The following TYW1 variants were observed in gnomAD, a reference collection of about 807,000 sequenced individuals.
TYW1 encodes the protein S-adenosyl-L-methionine-dependent tRNA 4-demethylwyosine synthase TYW1.
A neutral mutation model predicts 96.2 loss-of-function variants in TYW1; 46 were observed. The observed-to-expected ratio is 0.48, with a 90% CI of 0.38 to 0.61. TYW1 has a LOEUF of 0.61. TYW1 is among the 20% of genes least tolerant of loss of function. TYW1 has a pLI of 0.00. For missense variants in TYW1, 684 were observed against 909.6 expected, an observed-to-expected ratio of 0.75 and a Z score of 3.19; for synonymous variants, 274 against 323.0, an observed-to-expected ratio of 0.85 and a Z score of 1.63.
rs558487723 is a variant in TYW1, at chr7:67,034,851, G to A, written c.984+9829G>A. Among the ~76,000 whole-genome samples the A allele has an allele frequency of 4.1e-4, 63 of 152,220 alleles. 2 individuals are homozygous for A. The South Asian group carries it at 9.7e-3, about 23-fold the overall frequency. On this transcript the variant is annotated intron_variant, in intron 7 of 15. Transcript: ENST00000359626. Reference sequence around the variant, plus strand: ...AATAAATTCCTAAAATTGAAATTCCGGCGTCAAAGGGAGTTTGTAGTTTTG... The same window carrying A: ...AATAAATTCCTAAAATTGAAATTCCAGCGTCAAAGGGAGTTTGTAGTTTTG...
chr7:67,046,127 C>T (rs910665648), intron 7 of TYW1, among the ~76,000 whole-genome samples: 2 of 152,156 alleles, frequency 1.3e-5, no homozygotes, highest in Non-Finnish European at 2.9e-5. Flanking sequence ...CTGATTGGAT[C>T]TTGCAACGAA....
intron 13 of TYW1, among the ~76,000 whole-genome samples, chr7:67,134,425 T>TA (rs1798181303): frequency 6.6e-6 from 1 of 151,516 alleles, no homozygotes; most frequent in South Asian, 2.1e-4. Context: ...CGCCTGTAAT[T>TA]CAGCTACTCA....
intron 8 of TYW1, among the ~76,000 whole-genome samples, chr7:67,054,452 T>G (rs1405538253): frequency 6.6e-6 from 1 of 152,222 alleles, no homozygotes; most frequent in Non-Finnish European, 1.5e-5. Context: ...ATATTTGGTA[T>G]CAGAGATGAG....
chr7:67,135,302 G>GTTTTTTTTTTT lies in TYW1; in HGVS notation c.1698+17694_1698+17704dup, dbSNP rs869257148. On this transcript the variant is annotated intron_variant, in intron 13 of 15. Coordinates refer to ENST00000359626, the MANE Select transcript of TYW1 (RefSeq NM_018264.4). ...TCTTTTTGAATATGATGTTAAAACA[G>GTTTTTTTTTTT]TTTTTTTTTTTTTTTTTTTTGAGAC... Among the ~76,000 whole-genome samples, 40 of 111,824 alleles carry GTTTTTTTTTTT rather than the reference G, an allele frequency of 3.6e-4. 2 individuals are homozygous for GTTTTTTTTTTT. Among genetic ancestry groups the GTTTTTTTTTTT allele is most frequent in the African/African-American group, 1.4e-3 (36 of 26,338 alleles). The allele number at this position is 111,824 out of a possible 152,430, so 73.4% of individuals were successfully genotyped here.
chr7:67,210,870 A>G (rs746205940), intron 15 of TYW1, among the ~76,000 whole-genome samples: 18 of 148,268 alleles, frequency 1.2e-4, no homozygotes, highest in Admixed American at 4.0e-4. Flanking sequence ...TCTATCATCT[A>G]TCTATCCATC....
At chr7:67,079,729 T>A (rs935134649) in intron 10 of TYW1, among the ~76,000 whole-genome samples, 1 of 152,162 alleles carries the variant, frequency 6.6e-6, no homozygotes, top group African/African-American at 2.4e-5. Context: ...TAGTTGTTTA[T>A]TATTATAAAC....
chr7:67,202,207 T>C (rs1040634729), intron 15 of TYW1, among the ~76,000 whole-genome samples: 5 of 152,200 alleles, frequency 3.3e-5, no homozygotes, highest in African/African-American at 1.2e-4. Context: ...TCTGTATTCT[T>C]ATACTAGTGT....
At chr7:67,238,012 T>C (rs893438227) in intron 15 of TYW1, among the ~76,000 whole-genome samples, 2 of 152,078 alleles carry the variant, frequency 1.3e-5, no homozygotes, top group African/African-American at 2.4e-5. Context: ...CATGGTAACA[T>C]GGAAACATTT....
chr7:67,170,274 C>T (rs989444483), intron 13 of TYW1, among the ~76,000 whole-genome samples: 7 of 152,184 alleles, frequency 4.6e-5, no homozygotes, highest in African/African-American at 9.6e-5. Context: ...CTGTCCAGTT[C>T]TGTTCCATTG....
At chr7:67,144,596 G>A (rs891036215) in intron 13 of TYW1, among the ~76,000 whole-genome samples, 5 of 152,010 alleles carry the variant, frequency 3.3e-5, no homozygotes, top group African/African-American at 9.7e-5. Flanking sequence ...TCAGCCTTCC[G>A]AGTAGCTGGA....
At chr7:67,092,331 CT>C (rs1796747932) in intron 11 of TYW1, among the ~76,000 whole-genome samples, 1 of 151,880 alleles carries the variant, frequency 6.6e-6, no homozygotes, top group Non-Finnish European at 1.5e-5. Flanking sequence ...ATCCTCTCTC[CT>C]TGCCCCTCTG....
In TYW1 at chr7:67,183,242, C is replaced by T. The variant is rs1403237883; in HGVS notation, c.1809+6C>T. 5.0e-6 allele frequency: 8 copies of T among 1,595,030 alleles called. No individual in the cohort carries two copies. The highest frequency in any genetic ancestry group is 6.0e-6 in the Non-Finnish European group (7 of 1,170,312). On this transcript the variant is annotated splice_donor_region_variant and intron_variant, in intron 14 of 15. Transcript: ENST00000359626. ...CTGACTTCATCGAAGTGAAGGTAAG[C>T]CCCTGCTGACTCTGGTGGCTGTGGT...
At chr7:67,003,557 A>G (rs561841398) in intron 3 of TYW1, among the ~76,000 whole-genome samples, 73 of 151,418 alleles carry the variant, frequency 4.8e-4, no homozygotes, top group African/African-American at 1.7e-3. Context: ...TTTGTAAGGG[A>G]AAAAATGAGG....
chr7:67,069,781 A>G lies in TYW1; in HGVS notation c.1274+2378A>G, dbSNP rs1412698004. On this transcript the variant is annotated intron_variant, in intron 10 of 15. Coordinates refer to ENST00000359626, the MANE Select transcript of TYW1 (RefSeq NM_018264.4). ...AACAAACACAAACAAAAATCCAAAA[A>G]TACAACAGTGGTGACTTTTGTATTT... is the stretch of plus-strand genomic sequence containing the variant. Among the ~76,000 whole-genome samples the G allele has an allele frequency of 2.0e-5, 3 of 152,232 alleles. No homozygotes were observed. The East Asian group carries it at 5.8e-4, about 29-fold the overall frequency.
intron 15 of TYW1, among the ~76,000 whole-genome samples, chr7:67,231,921 C>T (rs901687277): frequency 1.5e-4 from 22 of 151,452 alleles, no homozygotes; most frequent in African/African-American, 5.3e-4. Flanking sequence ...TGGACTAGTT[C>T]TTTAATATTA....
Position 67,057,786 on chromosome 7 carries a change from T to G in TYW1, c.1155+1899T>G, listed in dbSNP as rs573305046. On this transcript the variant is annotated intron_variant, in intron 9 of 15. Transcript: ENST00000359626. ...TATTGATTTCTAGAAGTTCTTTATA[T>G]GTTGTGGATGTGAATCTTTTGTTGA... Among the ~76,000 whole-genome samples, 5 of 152,362 alleles carry G rather than the reference T, an allele frequency of 3.3e-5. No homozygotes were observed. In the South Asian group the frequency reaches 1.0e-3, roughly 32 times the overall value.
chr7:67,172,265 G>A (rs1293224618), intron 13 of TYW1, among the ~76,000 whole-genome samples: 1 of 149,882 alleles, frequency 6.7e-6, no homozygotes, highest in Non-Finnish European at 1.5e-5. Context: ...GATTGACGCA[G>A]GCATGCTTGA....
chr7:67,044,609 C>T (rs935157058), intron 7 of TYW1, among the ~76,000 whole-genome samples: 5 of 152,008 alleles, frequency 3.3e-5, no homozygotes, highest in African/African-American at 4.8e-5. Flanking sequence ...AGAATTTGGG[C>T]GTTCTGTAGC....
intron 9 of TYW1, among the ~76,000 whole-genome samples, chr7:67,058,892 T>TAAC (rs1000427297): frequency 6.6e-6 from 1 of 152,082 alleles, no homozygotes; most frequent in Non-Finnish European, 1.5e-5. Context: ...GGATATCCAG[T>TAAC]TGTTTTGGCA....
Sources: gnomAD v4.1 joint callset for allele counts (sites outside exome capture counted in the v4.1 genomes callset) on GRCh38, gnomAD v4.1.1 for gene constraint, MANE v1.5 for transcripts, NCBI Gene and HGNC (gene_info 2026-07-23, HGNC 2026-07-21) for gene names.